ARHGAP1: variants seen among roughly 807,000 people sequenced by gnomAD.
ARHGAP1 encodes rho GTPase-activating protein 1.
In ARHGAP1, 23 loss-of-function variants were observed where a neutral mutation model predicts 52.2. The ratio of observed to expected loss-of-function variants is 0.44; its 90% CI spans 0.32 to 0.62. ARHGAP1 has a LOEUF of 0.62. Ranked by LOEUF, ARHGAP1 falls within the 20% of genes least tolerant of loss-of-function variation. The probability of loss-of-function intolerance (pLI) is 0.05; values close to 1 mark genes in which losing one functional copy is unlikely to be tolerated. For synonymous variants in ARHGAP1, 210 were observed against 228.4 expected (o/e 0.92, Z 0.73); for missense variants, 480 against 560.9 (o/e 0.86, Z 1.46).
rs370887426 is a variant in ARHGAP1, at chr11:46,680,960, C to T, written c.635+51G>A. 6.6e-6 allele frequency: 10 copies of T among 1,510,442 alleles called. No individual in the cohort carries two copies. The highest frequency in any genetic ancestry group is 1.4e-5 in the African/African-American group (1 of 72,804). The allele number at this position is 1,510,442 out of a possible 1,614,324, so 93.6% of individuals were successfully genotyped here. A position where few individuals can be genotyped will look rare whatever the true frequency, so the allele number is the denominator to read the frequency against. On this transcript the variant is annotated intron_variant, in intron 7 of 12. Transcript: ENST00000311956. The surrounding 1 kb of genome is among the most constrained non-coding windows in gnomAD (Gnocchi z 5.9). ...CACGCGGTCTCTGAATCAGGACACA[C>T]GTCCTCATTACCCTGGCTTCACGAG...
At chr11:46,690,908 G>T (rs556621466) in intron 3 of ARHGAP1, among the ~76,000 whole-genome samples, 193 of 151,728 alleles carry the variant, frequency 1.3e-3, no homozygotes, top group African/African-American at 4.5e-3. Context: ...AAGAGACAGG[G>T]TCTTGCTCTG....
Position 46,677,608 on chromosome 11 carries a change from G to A in ARHGAP1, c.*1429C>T, listed in dbSNP as rs560110773. On this transcript the variant is annotated 3_prime_UTR_variant, in exon 13 of 13. Transcript: ENST00000311956. ...TCCCCAGGAAGGAGTGTAATTCTAC[G>A]AGACAGTGGGAGTGAGATCAGCCAT... 4 of 212,350 alleles carry A rather than the reference G, an allele frequency of 1.9e-5. No individual in the cohort carries two copies. The highest frequency in any genetic ancestry group is 5.6e-5 in the Admixed American group (1 of 17,938). 13.2% of individuals were successfully genotyped at this position (212,350 alleles called of 1,614,324 possible).
chr11:46,690,717 T>C lies in ARHGAP1; in HGVS notation c.230-2457A>G, dbSNP rs568407068. 1.2e-4 allele frequency among the ~76,000 whole-genome samples: 18 copies of C among 152,294 alleles called. No individual in the cohort carries two copies. In the South Asian group the frequency reaches 3.5e-3, roughly 30 times the overall value. The stretch of plus-strand genomic sequence containing the variant: ...CAGACAGGTTAGCTGCCCCTTTTCA[T>C]GGCTCCCAGCATAAACCGTCACCCA... On this transcript the variant is annotated intron_variant, in intron 3 of 12. Coordinates refer to ENST00000311956, the MANE Select transcript of ARHGAP1 (RefSeq NM_004308.5).
chr11:46,679,523 C>T lies in ARHGAP1; in HGVS notation c.1028-55G>A, dbSNP rs549354963. On this transcript the variant is annotated intron_variant, in intron 11 of 12. Coordinates refer to ENST00000311956, the MANE Select transcript of ARHGAP1 (RefSeq NM_004308.5). This position sits in a 1 kb window ranked among gnomAD's most constrained non-coding sequence, Gnocchi z 4.4. The stretch of plus-strand genomic sequence containing the variant: ...GGCCCTAGGCTGGGCTGGTTCAGGA[C>T]GCTCTGATGCAGGCTAGAGGGGAGA... The T allele has an allele frequency of 1.3e-5, 21 of 1,608,166 alleles. No homozygotes were observed. Among genetic ancestry groups the T allele is most frequent in the Middle Eastern group, 3.3e-4 (2 of 6,054 alleles).
At chr11:46,688,568 A>G (rs1214466490) in intron 3 of ARHGAP1, among the ~76,000 whole-genome samples, 1 of 151,986 alleles carries the variant, frequency 6.6e-6, no homozygotes, top group Non-Finnish European at 1.5e-5. Flanking sequence ...TGTAGCCCCA[A>G]TCTCCTGGGC....
rs559308604 is a variant in ARHGAP1 at position 46,680,091 on chromosome 11, G to C, written c.898+114C>G. On this transcript the variant is annotated intron_variant, in intron 10 of 12. Coordinates refer to ENST00000311956, the MANE Select transcript of ARHGAP1 (RefSeq NM_004308.5). The surrounding 1 kb of genome is among the most constrained non-coding windows in gnomAD (Gnocchi z 5.9). ...GGACTTATGTGACACCCAGAGCCAC[G>C]GAAACCTCCAGCAGGAAGAGACTCT... 24 of 1,320,758 alleles carry C rather than the reference G, an allele frequency of 1.8e-5. No homozygotes were observed. In the East Asian group the frequency reaches 5.3e-4, roughly 29 times the overall value. 81.8% of individuals were successfully genotyped at this position (1,320,758 alleles called of 1,614,324 possible). A position where few individuals can be genotyped will look rare whatever the true frequency, so the allele number is the denominator to read the frequency against.
rs2064506950 is a variant in ARHGAP1 at position 46,679,480 on chromosome 11, G to A, written c.1028-12C>T. ...GCTTTCATCAATGTCTATGAGGAAA[G>A]GAGGCCCGGGTTATAGGGGCCCTAG... On this transcript the variant is annotated splice_polypyrimidine_tract_variant and intron_variant, in intron 11 of 12. Coordinates refer to ENST00000311956, the MANE Select transcript of ARHGAP1 (RefSeq NM_004308.5). The surrounding 1 kb of genome is among the most constrained non-coding windows in gnomAD (Gnocchi z 4.4). 6.2e-7 allele frequency: 1 copy of A among 1,613,292 alleles called. No individual in the cohort carries two copies. The highest frequency in any genetic ancestry group is 8.5e-7 in the Non-Finnish European group (1 of 1,179,386).
At chr11:46,683,630 G>A (rs2064545171) in intron 4 of ARHGAP1, among the ~76,000 whole-genome samples, 1 of 149,678 alleles carries the variant, frequency 6.7e-6, no homozygotes, top group Non-Finnish European at 1.5e-5. Flanking sequence ...GGGAGTGTGT[G>A]TAAAGCCCTC....
chr11:46,680,404 C>T lies in ARHGAP1; in HGVS notation c.820+83G>A, dbSNP rs1423736449. 4.4e-5 allele frequency: 69 copies of T among 1,581,666 alleles called. No individual in the cohort carries two copies. The highest frequency in any genetic ancestry group is 5.7e-5 in the Non-Finnish European group (66 of 1,151,654). ...GGGACGTTGAGGCTTGCAGGACCTC[C>T]CTCTGCCCTGCCCAGCAGCTTCCCC... On this transcript the variant is annotated intron_variant, in intron 9 of 12. Coordinates refer to ENST00000311956, the MANE Select transcript of ARHGAP1 (RefSeq NM_004308.5). This position sits in a 1 kb window ranked among gnomAD's most constrained non-coding sequence, Gnocchi z 5.9.
At position 46,679,640 on chromosome 11, in the gene ARHGAP1, G is replaced by C; in HGVS notation, c.1027+8C>G. ...GCCCCAGGCCCAACAGAAGAGATGG[G>C]GACTCACTGAGGAAGCCCACCACAT... On this transcript the variant is annotated splice_region_variant and intron_variant, in intron 11 of 12. Coordinates refer to ENST00000311956, the MANE Select transcript of ARHGAP1 (RefSeq NM_004308.5). This position sits in a 1 kb window ranked among gnomAD's most constrained non-coding sequence, Gnocchi z 4.4. 1 of 1,613,940 alleles carries C rather than the reference G, an allele frequency of 6.2e-7. No homozygotes were observed. Among genetic ancestry groups the C allele is most frequent in the South Asian group, 1.1e-5 (1 of 91,084 alleles).
intron 3 of ARHGAP1, among the ~76,000 whole-genome samples, chr11:46,690,122 G>C (rs548526134): frequency 1.3e-5 from 2 of 150,438 alleles, no homozygotes; most frequent in Non-Finnish European, 3.0e-5. Flanking sequence ...CACGCCTGTA[G>C]TCCCAACACT....
chr11:46,684,828 C>T (rs1292398007), intron 4 of ARHGAP1, among the ~76,000 whole-genome samples: 1 of 152,110 alleles, frequency 6.6e-6, no homozygotes, highest in East Asian at 1.9e-4. Flanking sequence ...TGCCTCACGC[C>T]TGTAATCCCA....
chr11:46,689,625 C>G (rs940063374), intron 3 of ARHGAP1, among the ~76,000 whole-genome samples: 5 of 152,118 alleles, frequency 3.3e-5, no homozygotes, highest in African/African-American at 9.7e-5. Flanking sequence ...ACTGCAACCT[C>G]CACCTCCCAG....
intron 3 of ARHGAP1, 64 bp downstream of exon 3, chr11:46,695,596 G>T: frequency 6.7e-7 from 1 of 1,487,976 alleles, no homozygotes; most frequent in Non-Finnish European, 9.2e-7. Flanking sequence ...CCTGTGGTGT[G>T]AAGGGCTGAC....
At position 46,680,618 on chromosome 11, in the gene ARHGAP1, C is replaced by T; in HGVS notation, c.743+22G>A. The T allele has an allele frequency of 6.2e-7, 1 of 1,613,628 alleles. No homozygotes were observed. Among genetic ancestry groups the T allele is most frequent in the Non-Finnish European group, 8.5e-7 (1 of 1,179,624 alleles). ...TGCAGCCCTTCCCGCCCCGCCGTGG[C>T]CCAGCCACCTTTCATACTTACTGCT... On this transcript the variant is annotated intron_variant, in intron 8 of 12. Coordinates refer to ENST00000311956, the MANE Select transcript of ARHGAP1 (RefSeq NM_004308.5). The surrounding 1 kb of genome is among the most constrained non-coding windows in gnomAD (Gnocchi z 5.9).
At chr11:46,687,938 A>G in intron 4 of ARHGAP1, 1 of 511,762 alleles carries the variant, frequency 2.0e-6, no homozygotes, top group Non-Finnish European at 3.5e-6. Flanking sequence ...AAGGTGAGGA[A>G]AGCGAGGCTT....
intron 4 of ARHGAP1, among the ~76,000 whole-genome samples, chr11:46,685,087 C>CAA (rs774989985): frequency 0.19 from 15,202 of 80,102 alleles, 1,177 homozygotes; most frequent in Middle Eastern, 0.23. Flanking sequence ...GGCTCGGTCT[C>CAA]AAAAAAAAAA....
intron 4 of ARHGAP1, 74 bp downstream of exon 4, chr11:46,688,099 C>T (rs1298945172): frequency 4.8e-6 from 7 of 1,443,372 alleles, no homozygotes; most frequent in Admixed American, 1.9e-5. Flanking sequence ...CAGGGAGGGA[C>T]AGTAAAGAAC....
chr11:46,695,568 C>T lies in ARHGAP1; in HGVS notation c.229+92G>A, dbSNP rs953334679. 3.0e-6 allele frequency: 4 copies of T among 1,342,708 alleles called. No individual in the cohort carries two copies. In the African/African-American group the frequency reaches 4.4e-5, roughly 15 times the overall value. 83.2% of individuals were successfully genotyped at this position (1,342,708 alleles called of 1,614,324 possible). On this transcript the variant is annotated intron_variant, in intron 3 of 12. Coordinates refer to ENST00000311956, the MANE Select transcript of ARHGAP1 (RefSeq NM_004308.5). Reference sequence around the variant, plus strand: ...AGGAGCACCAGGGCCAGCGGTCAGACTGCAGAGAGGCCCTTCCCCTGTGGT... The same window carrying T: ...AGGAGCACCAGGGCCAGCGGTCAGATTGCAGAGAGGCCCTTCCCCTGTGGT...
Sources: allele counts gnomAD v4.1 joint callset (sites outside exome capture counted in the v4.1 genomes callset), GRCh38; gene constraint gnomAD v4.1.1; non-coding constraint Gnocchi (gnomAD v3.1); transcripts MANE v1.5; gene names NCBI Gene and HGNC (gene_info 2026-07-23, HGNC 2026-07-21).